BCR: variants seen among roughly 807,000 people sequenced by gnomAD.
BCR encodes BCR activator of RhoGEF and GTPase.
A neutral mutation model predicts 138.6 loss-of-function variants in BCR; 58 were observed. The observed-to-expected ratio is 0.42, with a 90% CI of 0.34 to 0.52. The LOEUF (loss-of-function observed/expected upper bound fraction) is 0.52, where lower values mean the gene tolerates loss of function less well. Ranked by LOEUF, BCR falls within the 20% of genes least tolerant of loss-of-function variation. The pLI, the probability that BCR is intolerant of heterozygous loss-of-function variation, is 0.06. For synonymous variants in BCR, 786 were observed against 730.1 expected, an observed-to-expected ratio of 1.08 and a Z score of -1.23; for missense variants, 1,599 against 1,727.2, an observed-to-expected ratio of 0.93 and a Z score of 1.32.
chr22:23,192,890 G>A (rs1308291084), intron 1 of BCR, among the ~76,000 whole-genome samples: 2 of 152,134 alleles, frequency 1.3e-5, no homozygotes, highest in Non-Finnish European at 2.9e-5. Flanking sequence ...CCAGGTGCAG[G>A]GCCCAGAGAG....
intron 1 of BCR, among the ~76,000 whole-genome samples, chr22:23,210,347 G>T (rs533629563): frequency 1.7e-4 from 26 of 151,856 alleles, no homozygotes; most frequent in Non-Finnish European, 3.5e-4. Context: ...AGCCCGGGAG[G>T]TCGAGGTTGC....
At chr22:23,293,553 T>C (rs565536100) in intron 15 of BCR, among the ~76,000 whole-genome samples, 54 of 152,152 alleles carry the variant, frequency 3.5e-4, no homozygotes, top group African/African-American at 1.3e-3. Flanking sequence ...GCAGCTGTGA[T>C]GAGAGGGGGT....
chr22:23,231,548 T>TA (rs148906561), intron 1 of BCR, among the ~76,000 whole-genome samples: 25 of 137,854 alleles, frequency 1.8e-4, no homozygotes, highest in South Asian at 2.4e-4. Context: ...TAAAATAAAA[T>TA]AAATAAAATA....
At chr22:23,212,182 C>T (rs371330703) in intron 1 of BCR, among the ~76,000 whole-genome samples, 11 of 152,260 alleles carry the variant, frequency 7.2e-5, no homozygotes, top group Admixed American at 2.0e-4. Context: ...CCCTGGGAAG[C>T]GGGCTGGAGA....
chr22:23,217,619 A>G (rs6003566), intron 1 of BCR, among the ~76,000 whole-genome samples: 10,261 of 152,224 alleles, frequency 0.067, 1,182 homozygotes, highest in African/African-American at 0.23. Flanking sequence ...TGGTTGACTG[A>G]AGTTAGGGAA....
chr22:23,259,852 G>A (rs1033604141), intron 2 of BCR, among the ~76,000 whole-genome samples: 1 of 152,148 alleles, frequency 6.6e-6, no homozygotes, highest in African/African-American at 2.4e-5. Context: ...GCAGAGCGAG[G>A]TGGTGGGTGC....
At chr22:23,242,184 A>C (rs1264888914) in intron 1 of BCR, among the ~76,000 whole-genome samples, 1 of 152,224 alleles carries the variant, frequency 6.6e-6, no homozygotes, top group Non-Finnish European at 1.5e-5. Flanking sequence ...GATAAAGAAC[A>C]ATAAGTTTGA....
intron 1 of BCR, among the ~76,000 whole-genome samples, chr22:23,230,413 T>C (rs552197649): frequency 1.3e-5 from 2 of 152,336 alleles, no homozygotes; most frequent in South Asian, 4.1e-4. Context: ...TGGTGGCCCA[T>C]ACTGATCACC....
At chr22:23,218,372 C>A (rs2072781655) in intron 1 of BCR, among the ~76,000 whole-genome samples, 1 of 152,212 alleles carries the variant, frequency 6.6e-6, no homozygotes, top group South Asian at 2.1e-4. Context: ...TACTTGCTAG[C>A]CATAGAGCTC....
chr22:23,247,553 G>A (rs6003587), intron 1 of BCR, among the ~76,000 whole-genome samples: 39,617 of 152,096 alleles, frequency 0.26, 5,972 homozygotes, highest in African/African-American at 0.4. Context: ...ATCTCACCCT[G>A]GGGCACATTG....
chr22:23,222,223 A>C (rs1231491787), intron 1 of BCR, among the ~76,000 whole-genome samples: 1 of 152,190 alleles, frequency 6.6e-6, no homozygotes, highest in Non-Finnish European at 1.5e-5. Flanking sequence ...ACAGTGCCTA[A>C]AACAATGCCA....
chr22:23,263,489 G>A, intron 4 of BCR: 1 of 1,555,460 alleles, frequency 6.4e-7, no homozygotes, highest in Admixed American at 1.7e-5. Flanking sequence ...TGCCCTGGAT[G>A]CAGCTAGAGG....
intron 1 of BCR, among the ~76,000 whole-genome samples, chr22:23,219,126 A>C (rs1473226553): frequency 6.6e-6 from 1 of 152,186 alleles, no homozygotes; most frequent in African/African-American, 2.4e-5. Context: ...CAGGAAACCT[A>C]ATCTTTTAAA....
intron 1 of BCR, among the ~76,000 whole-genome samples, chr22:23,218,891 T>C (rs926106901): frequency 4.6e-5 from 7 of 152,180 alleles, no homozygotes; most frequent in Non-Finnish European, 1.0e-4. Flanking sequence ...ACTTGTTTCA[T>C]TAAGAGGCCC....
chr22:23,216,904 T>C (rs1259539892), intron 1 of BCR: 2 of 304,796 alleles, frequency 6.6e-6, no homozygotes, highest in Non-Finnish European at 1.3e-5. Context: ...TCCTGAGGCC[T>C]GGGCTATGGA....
chr22:23,273,517 T>C (rs2073533667), intron 7 of BCR, 117 bp from the exon 8 acceptor site: 1 of 1,366,796 alleles, frequency 7.3e-7, no homozygotes, highest in Non-Finnish European at 1.0e-6. Context: ...GAGACTGTGG[T>C]GACACTGAGG....
chr22:23,258,782 C>A (rs1378987260), intron 2 of BCR, among the ~76,000 whole-genome samples: 1 of 152,248 alleles, frequency 6.6e-6, no homozygotes, highest in East Asian at 1.9e-4. Context: ...GCCTAGATGT[C>A]AGCGGGGCCA....
intron 1 of BCR, among the ~76,000 whole-genome samples, chr22:23,239,823 T>C (rs1174586906): frequency 6.6e-6 from 1 of 151,952 alleles, no homozygotes; most frequent in Non-Finnish European, 1.5e-5. Flanking sequence ...CACCCCCACT[T>C]TTTTTTAAGA....
intron 1 of BCR, among the ~76,000 whole-genome samples, chr22:23,249,981 G>A (rs1028596528): frequency 6.6e-6 from 1 of 152,230 alleles, no homozygotes; most frequent in African/African-American, 2.4e-5. Context: ...GTCTGGCCGT[G>A]AGACCTAGTC....
Sources: gnomAD v4.1 joint callset for allele counts (sites outside exome capture counted in the v4.1 genomes callset) on GRCh38, gnomAD v4.1.1 for gene constraint, MANE v1.5 for transcripts, NCBI Gene and HGNC (gene_info 2026-07-23, HGNC 2026-07-21) for gene names.